FHL1: variants seen among roughly 807,000 people sequenced by gnomAD.
FHL1 encodes the protein four and a half LIM domains protein 1.
In FHL1, 1 loss-of-function variant was observed where a neutral mutation model predicts 20.3. That is an observed-to-expected ratio of 0.05 (90% CI 0.02 to 0.23). The LOEUF (loss-of-function observed/expected upper bound fraction) is 0.23, where lower values mean the gene tolerates loss of function less well. Among genes scored for constraint, FHL1 ranks in the 10% least tolerant of loss-of-function variants. FHL1 has a pLI of 1.00. For missense variants in FHL1, 177 were observed against 234.0 expected (o/e 0.76, Z 1.59); for synonymous variants, 82 against 88.9 (o/e 0.92, Z 0.44).
intron 1 of FHL1, among the ~76,000 whole-genome samples, chrX:136,150,502 T>G (rs925254394): frequency 2.1e-4 from 24 of 112,085 alleles, no homozygotes; most frequent in Non-Finnish European, 4.5e-4. Flanking sequence ...AACTTTTTTT[T>G]GTTAATTGAA....
intron 2 of FHL1, among the ~76,000 whole-genome samples, chrX:136,174,857 G>T (rs2072960624): frequency 9.0e-6 from 1 of 111,696 alleles, no homozygotes; most frequent in Non-Finnish European, 1.9e-5. Context: ...GGGGCTGTTA[G>T]CAAACTTGTA....
chrX:136,202,538 A>G (rs777686579), intron 1 of FHL1, among the ~76,000 whole-genome samples: 42 of 111,636 alleles, frequency 3.8e-4, no homozygotes, highest in African/African-American at 1.2e-3. Context: ...CAGGTGGATC[A>G]TGAGGTCAGG....
At chrX:136,209,315 G>A (rs2073942553) in intron 5 of FHL1, 3 of 1,211,236 alleles carry the variant, frequency 2.5e-6, no homozygotes, top group East Asian at 3.0e-5. Context: ...CACGGGAAAC[G>A]CTTGCCTCTC....
chrX:136,155,837 A>G (rs1353960089), intron 1 of FHL1, among the ~76,000 whole-genome samples: 1 of 109,654 alleles, frequency 9.1e-6, no homozygotes, highest in Non-Finnish European at 1.9e-5. Context: ...AATCAAAATA[A>G]TAAGTATCTC....
chrX:136,159,979 G>A (rs2072522551), intron 1 of FHL1, among the ~76,000 whole-genome samples: 1 of 112,525 alleles, frequency 8.9e-6, no homozygotes. Flanking sequence ...TAGAAGCATA[G>A]GCCCAATGCC....
chrX:136,206,512 G>C lies in FHL1; in HGVS notation c.128G>C (p.Cys43Ser). The C allele has an allele frequency of 8.2e-7, 1 of 1,212,521 alleles. No homozygotes were observed. Among genetic ancestry groups the C allele is most frequent in the South Asian group, 1.8e-5 (1 of 57,047 alleles). The part of the protein sequence containing the change: ...KKYVQKDGHH[C>S]CLKCFDKFCA... ...TATGTGCAAAAGGATGGCCACCACT[G>C]CTGCCTGAAATGCTTTGACAAGTTC... The change falls in exon 2 of 6, where the codon TGC becomes TCC. Residue 43 changes from cysteine (C) to serine (S), a missense_variant. Coordinates refer to ENST00000370683, the MANE Select transcript of FHL1 (RefSeq NM_001159699.2).
intron 5 of FHL1, chrX:136,209,460 G>A (rs780478822): frequency 1.1e-5 from 13 of 1,204,381 alleles, no homozygotes; most frequent in East Asian, 5.9e-5. Context: ...CACACCCCAC[G>A]AACAGCCCAA....
At chrX:136,209,741 G>A (rs886543119) in intron 5 of FHL1, 130 bp from the exon 6 acceptor site, 10 of 763,279 alleles carry the variant, frequency 1.3e-5, no homozygotes, top group Non-Finnish European at 1.9e-5. Context: ...GGCAGACCTG[G>A]CTCTTGCGTG....
chrX:136,171,825 T>C (rs930152818), intron 2 of FHL1, among the ~76,000 whole-genome samples: 12 of 112,230 alleles, frequency 1.1e-4, no homozygotes, highest in Admixed American at 3.8e-4. Flanking sequence ...TTCTCAGGTG[T>C]GTCAGTTGAA....
chrX:136,157,468 C>A (rs911924437), intron 1 of FHL1, among the ~76,000 whole-genome samples: 21 of 111,696 alleles, frequency 1.9e-4, no homozygotes, highest in African/African-American at 6.8e-4. Context: ...TCAACTTCAC[C>A]GAGCATGATT....
chrX:136,180,778 C>T (rs978106001), intron 2 of FHL1, among the ~76,000 whole-genome samples: 7 of 81,194 alleles, frequency 8.6e-5, no homozygotes, highest in Non-Finnish European at 1.8e-4. Flanking sequence ...GTCTCACTCT[C>T]TCGCCCAGGC....
chrX:136,192,626 C>G (rs181617115), upstream of FHL1, among the ~76,000 whole-genome samples: 5 of 111,775 alleles, frequency 4.5e-5, no homozygotes, highest in East Asian at 1.4e-3. Flanking sequence ...CTCTGAGATT[C>G]AGAGACCCTT....
chrX:136,167,514 C>T (rs2072744666), upstream of FHL1, among the ~76,000 whole-genome samples: 1 of 111,378 alleles, frequency 9.0e-6, no homozygotes, highest in Admixed American at 9.6e-5. Flanking sequence ...CAAAATAAGA[C>T]ATTTCTTTGC....
At chrX:136,147,467 C>T (rs1420166572), upstream of FHL1, 1 of 105,464 alleles carries the variant, frequency 9.5e-6, no homozygotes, top group African/African-American at 3.4e-5. Context: ...CCCCGCCTCC[C>T]AGGCGCGCAC....
chrX:136,175,961 TAGTA>T (rs928333446), intron 2 of FHL1, among the ~76,000 whole-genome samples: 3 of 112,211 alleles, frequency 2.7e-5, no homozygotes, highest in African/African-American at 9.7e-5. Context: ...ACAGAGTGCT[TAGTA>T]AGTAACCAAG....
intron 2 of FHL1, among the ~76,000 whole-genome samples, chrX:136,183,626 T>G (rs940304381): frequency 8.0e-5 from 9 of 112,572 alleles, no homozygotes; most frequent in Non-Finnish European, 1.7e-4. Context: ...ATGAATACTT[T>G]ATATTCTGCA....
At chrX:136,153,033 A>C (rs1363846371) in intron 1 of FHL1, among the ~76,000 whole-genome samples, 1 of 111,972 alleles carries the variant, frequency 8.9e-6, no homozygotes, top group Non-Finnish European at 1.9e-5. Context: ...TGTAGAACTT[A>C]GGAGTGACAA....
rs1446590797 is a variant in FHL1, at chrX:136,210,710, T to TAGAA, written c.*689_*692dup. On this transcript the variant is annotated 3_prime_UTR_variant, in exon 6 of 6. Transcript: ENST00000370683. ...GAACATGCAGGTGATTTGGGAAGTG[T>TAGAA]AGAAAGACCTGAGAAAACGAGCCTG... 4 of 388,052 alleles carry TAGAA rather than the reference T, an allele frequency of 1.0e-5. No individual in the cohort carries two copies. The highest frequency in any genetic ancestry group is 5.3e-5 in the East Asian group (1 of 18,772). 32.0% of individuals were successfully genotyped at this position (388,052 alleles called of 1,213,427 possible).
At chrX:136,162,149 A>G (rs2148282601) in intron 1 of FHL1, among the ~76,000 whole-genome samples, 1 of 104,291 alleles carries the variant, frequency 9.6e-6, no homozygotes, top group South Asian at 4.4e-4. Context: ...AAAAAGTACT[A>G]GCGATCTCTT....
Sources: gnomAD v4.1 joint callset for allele counts (sites outside exome capture counted in the v4.1 genomes callset) on GRCh38, gnomAD v4.1.1 for gene constraint, MANE v1.5 for transcripts, NCBI Gene and HGNC (gene_info 2026-07-23, HGNC 2026-07-21) for gene names.